Variants in TM6SF1 observed in about 807,000 individuals in gnomAD.
The protein encoded by TM6SF1 is transmembrane 6 superfamily member 1.
TM6SF1 carries 43 observed loss-of-function variants against 47.1 expected under a neutral mutation model. The ratio of observed to expected loss-of-function variants is 0.91; its 90% CI spans 0.72 to 1.18. The LOEUF is 1.18. Among genes scored for constraint, TM6SF1 ranks in the 50% most tolerant of loss-of-function variants. The probability of loss-of-function intolerance (pLI) is 0.00; values close to 1 mark genes in which losing one functional copy is unlikely to be tolerated. For missense variants in TM6SF1, 390 were observed against 449.0 expected (o/e 0.87, Z 1.19); for synonymous variants, 177 against 166.3 (o/e 1.06, Z -0.49).
At chr15:83,109,921 C>T (rs965423961) in intron 1 of TM6SF1, among the ~76,000 whole-genome samples, 1 of 152,190 alleles carries the variant, frequency 6.6e-6, no homozygotes, top group Non-Finnish European at 1.5e-5. Flanking sequence ...TGCAGACCCT[C>T]CCTCTCTCTC....
intron 2 of TM6SF1, chr15:83,115,122 CTT>C (rs913490363): frequency 1.2e-4 from 18 of 146,508 alleles, no homozygotes; most frequent in Admixed American, 2.7e-4. Flanking sequence ...AAGTCATTGT[CTT>C]TTTTTTTTTT....
chr15:83,134,820 A>G (rs901081546), intron 9 of TM6SF1: 1 of 152,228 alleles, frequency 6.6e-6, no homozygotes, highest in Non-Finnish European at 1.5e-5. Context: ...ATATATTCAG[A>G]AAAACACTAT....
chr15:83,125,243 A>G (rs150141279), intron 7 of TM6SF1, among the ~76,000 whole-genome samples: 4 of 152,304 alleles, frequency 2.6e-5, no homozygotes, highest in Non-Finnish European at 4.4e-5. Context: ...CACTGGTAAG[A>G]GTAGTGTTGA....
chr15:83,136,171 T>C (rs779660606), intron 9 of TM6SF1: 2 of 227,872 alleles, frequency 8.8e-6, no homozygotes, highest in African/African-American at 2.3e-5. Flanking sequence ...TTCTATTAGA[T>C]TGAGCCACTA....
At chr15:83,109,984 C>G (rs752397945) in intron 1 of TM6SF1, among the ~76,000 whole-genome samples, 3 of 152,172 alleles carry the variant, frequency 2.0e-5, no homozygotes, top group Non-Finnish European at 4.4e-5. Context: ...AGTTACTTTC[C>G]TGTGGTAAGA....
At chr15:83,112,424 C>A (rs186845108) in intron 1 of TM6SF1, among the ~76,000 whole-genome samples, 1 of 152,208 alleles carries the variant, frequency 6.6e-6, no homozygotes, top group Admixed American at 6.5e-5. Flanking sequence ...AGTGGTGAGG[C>A]CTGTCAGCTG....
Position 83,136,813 on chromosome 15 carries a change from A to C in TM6SF1, c.*141A>C. ...TTGCTCTGCACTGTATGTGTGAGCT[A>C]TATGGTATTGTGTAAATTTTTTTTG... On this transcript the variant is annotated 3_prime_UTR_variant, in exon 10 of 10. Transcript: ENST00000322019. The C allele has an allele frequency of 1.7e-6, 1 of 590,518 alleles. No homozygotes were observed. Among genetic ancestry groups the C allele is most frequent in the South Asian group, 5.2e-5 (1 of 19,266 alleles). The allele number at this position is 590,518 out of a possible 1,614,324, so 36.6% of individuals were successfully genotyped here.
At chr15:83,110,378 G>A (rs2151331628) in intron 1 of TM6SF1, among the ~76,000 whole-genome samples, 1 of 152,222 alleles carries the variant, frequency 6.6e-6, no homozygotes, top group East Asian at 1.9e-4. Context: ...TTCCTGTGGT[G>A]AGCAGGTCCT....
At chr15:83,111,864 G>A (rs2034214769) in intron 1 of TM6SF1, among the ~76,000 whole-genome samples, 1 of 152,154 alleles carries the variant, frequency 6.6e-6, no homozygotes, top group Non-Finnish European at 1.5e-5. Flanking sequence ...TATTTATCCA[G>A]TCTCCTAGGG....
intron 7 of TM6SF1, 118 bp from the exon 8 acceptor site, chr15:83,126,637 A>C (rs2035771203): frequency 1.3e-6 from 1 of 773,306 alleles, no homozygotes; most frequent in Non-Finnish European, 2.1e-6. Context: ...TCTACAATGC[A>C]TACGTTTTGT....
At chr15:83,127,566 G>A in intron 9 of TM6SF1, 89 bp downstream of exon 9, 1 of 1,439,098 alleles carries the variant, frequency 6.9e-7, no homozygotes, top group Non-Finnish European at 9.6e-7. Flanking sequence ...CAGTGTTTTA[G>A]ACTAGGAGAT....
intron 6 of TM6SF1, among the ~76,000 whole-genome samples, chr15:83,124,291 T>G (rs1427934159): frequency 1.3e-5 from 2 of 152,196 alleles, no homozygotes; most frequent in South Asian, 4.1e-4. Context: ...TGTGTATATA[T>G]GTATGTTGTG....
At chr15:83,117,792 C>T (rs2034808692) in intron 3 of TM6SF1, among the ~76,000 whole-genome samples, 3 of 151,996 alleles carry the variant, frequency 2.0e-5, no homozygotes, top group Non-Finnish European at 4.4e-5. Context: ...GAACAACATG[C>T]CAAGAGCCAG....
At chr15:83,124,885 C>A in intron 7 of TM6SF1, 109 bp downstream of exon 7, 1 of 949,442 alleles carries the variant, frequency 1.1e-6, no homozygotes, top group Non-Finnish European at 1.6e-6. Flanking sequence ...TCTTAGCAAA[C>A]TAACAAACCA....
Position 83,137,256 on chromosome 15 carries a change from T to C in TM6SF1, c.*584T>C, listed in dbSNP as rs2036667047. On this transcript the variant is annotated 3_prime_UTR_variant, in exon 10 of 10. Transcript: ENST00000322019. ...ATTTAAACAGCTAAATAGGGATCAG[T>C]AACTTTATCTCTATCCTTAATGAAC... 1 of 152,216 alleles carries C rather than the reference T, an allele frequency of 6.6e-6. No individual in the cohort carries two copies. The highest frequency in any genetic ancestry group is 2.4e-5 in the African/African-American group (1 of 41,472). 9.4% of individuals were successfully genotyped at this position (152,216 alleles called of 1,614,324 possible).
chr15:83,121,769 C>A, intron 4 of TM6SF1, 152 bp from the exon 5 acceptor site: 2 of 617,462 alleles, frequency 3.2e-6, no homozygotes, highest in Admixed American at 3.4e-5. Flanking sequence ...ATAACCAGGG[C>A]TCCTTGTGTT....
intron 3 of TM6SF1, among the ~76,000 whole-genome samples, chr15:83,118,119 T>C (rs2034849243): frequency 2.0e-5 from 3 of 152,112 alleles, no homozygotes; most frequent in Admixed American, 6.5e-5. Context: ...CTCAGTGCTT[T>C]GGAAGACAAA....
chr15:83,131,918 A>G (rs1384364747), intron 9 of TM6SF1: 3 of 152,216 alleles, frequency 2.0e-5, no homozygotes, highest in South Asian at 2.1e-4. Context: ...TTTCCTATCA[A>G]TTGAAGCATT....
intron 9 of TM6SF1, chr15:83,128,967 A>C (rs2036004596): frequency 6.6e-6 from 1 of 152,166 alleles, no homozygotes; most frequent in South Asian, 2.1e-4. Flanking sequence ...AGTAGCTGGG[A>C]CTACAGACAT....
Sources: gnomAD v4.1 joint callset for allele counts (sites outside exome capture counted in the v4.1 genomes callset) on GRCh38, gnomAD v4.1.1 for gene constraint, MANE v1.5 for transcripts, NCBI Gene and HGNC (gene_info 2026-07-23, HGNC 2026-07-21) for gene names.